Variants in RANBP2 observed in about 807,000 individuals in gnomAD.
RANBP2 encodes E3 SUMO-protein ligase RanBP2.
RANBP2 carries 57 observed loss-of-function variants against 303.6 expected under a neutral mutation model. That is an observed-to-expected ratio of 0.19 (90% CI 0.15 to 0.23). The LOEUF is 0.23. Among genes scored for constraint, RANBP2 ranks in the 10% least tolerant of loss-of-function variants. The pLI, the probability that RANBP2 is intolerant of heterozygous loss-of-function variation, is 1.00. For synonymous variants in RANBP2, 1,167 were observed against 1,301.5 expected (o/e 0.90, Z 2.23); for missense variants, 3,138 against 3,780.8 (o/e 0.83, Z 4.46).
the RANBP2 span, among the ~76,000 whole-genome samples, chr2:109,359,714 C>T: frequency 6.6e-6 from 1 of 152,114 alleles, no homozygotes; most frequent in African/African-American, 2.4e-5. Context: ...CCACACCTGA[C>T]CTTATGTAAT....
the RANBP2 span, among the ~76,000 whole-genome samples, chr2:109,189,710 G>T: frequency 4.6e-5 from 7 of 152,108 alleles, no homozygotes; most frequent in Admixed American, 4.6e-4. Context: ...GAATGTAAAA[G>T]CCCATTAAAA....
At chr2:109,011,583 C>T in the RANBP2 span, among the ~76,000 whole-genome samples, 114 of 152,288 alleles carry the variant, frequency 7.5e-4, no homozygotes, top group African/African-American at 2.2e-3. Context: ...ATTTTATTGA[C>T]GAGATACCCA....
At chr2:109,229,719 T>A in the RANBP2 span, among the ~76,000 whole-genome samples, 1 of 152,150 alleles carries the variant, frequency 6.6e-6, no homozygotes, top group East Asian at 1.9e-4. Flanking sequence ...CTCGTATAAC[T>A]GGAATCATAG....
the RANBP2 span, among the ~76,000 whole-genome samples, chr2:109,023,918 T>TTTTATTTA: frequency 2.3e-3 from 343 of 151,948 alleles, 1 homozygote; most frequent in African/African-American, 8.0e-3. Context: ...CTGCTTATAT[T>TTTTATTTA]TTTATTTATT....
chr2:109,242,525 A>G, the RANBP2 span, among the ~76,000 whole-genome samples: 1 of 152,172 alleles, frequency 6.6e-6, no homozygotes, highest in African/African-American at 2.4e-5. Flanking sequence ...GCGGGAGTGA[A>G]TGGCAACAAG....
At chr2:108,934,688 G>T in the RANBP2 span, among the ~76,000 whole-genome samples, 1 of 152,098 alleles carries the variant, frequency 6.6e-6, no homozygotes, top group Non-Finnish European at 1.5e-5. Flanking sequence ...TGCAAGCAGG[G>T]CCAATTCACT....
the RANBP2 span, among the ~76,000 whole-genome samples, chr2:108,830,370 C>T: frequency 1.3e-5 from 2 of 152,136 alleles, no homozygotes; most frequent in Admixed American, 1.3e-4. Flanking sequence ...ACACTTAATG[C>T]CATTGGTAAA....
chr2:109,594,633 G>A, the RANBP2 span: 7 of 152,392 alleles, frequency 4.6e-5, 1 homozygote, highest in African/African-American at 1.4e-4. Flanking sequence ...AATGAACCAT[G>A]CTGCAACAAA....
At chr2:108,974,814 G>A in the RANBP2 span, among the ~76,000 whole-genome samples, 1 of 152,166 alleles carries the variant, frequency 6.6e-6, no homozygotes, top group Non-Finnish European at 1.5e-5. Flanking sequence ...GAAATAGCCA[G>A]CAAATGGCAG....
the RANBP2 span, chr2:108,923,490 A>T: frequency 6.3e-7 from 1 of 1,580,010 alleles, no homozygotes; most frequent in Non-Finnish European, 8.7e-7. Context: ...GAGACAGGTG[A>T]GCTGGACAGC....
chr2:109,105,340 A>C, the RANBP2 span, among the ~76,000 whole-genome samples: 28 of 152,138 alleles, frequency 1.8e-4, no homozygotes, highest in Admixed American at 1.3e-4. Context: ...CATTGCACAT[A>C]CGGCCCTTCC....
At chr2:109,471,167 C>T in the RANBP2 span, among the ~76,000 whole-genome samples, 8 of 134,244 alleles carry the variant, frequency 6.0e-5, no homozygotes, top group East Asian at 1.2e-3. Context: ...GAGCCGAGAT[C>T]GTGCCATTGC....
the RANBP2 span, among the ~76,000 whole-genome samples, chr2:109,119,687 T>C: frequency 0.95 from 144,100 of 152,308 alleles, 68,645 homozygotes; most frequent in Non-Finnish European, 1. Context: ...TAAAATAAAG[T>C]ATATTATGTC....
chr2:109,398,550 A>C, the RANBP2 span: 1 of 1,499,060 alleles, frequency 6.7e-7, no homozygotes, highest in South Asian at 1.3e-5. Context: ...GCATGTGACC[A>C]TGATTTAATG....
the RANBP2 span, among the ~76,000 whole-genome samples, chr2:109,623,601 A>C: frequency 5.3e-5 from 8 of 152,348 alleles, no homozygotes; most frequent in Admixed American, 3.9e-4. Context: ...CTGTGTGGTC[A>C]GGTGGAATTT....
chr2:109,634,949 A>G, the RANBP2 span, among the ~76,000 whole-genome samples: 1 of 152,224 alleles, frequency 6.6e-6, no homozygotes, highest in African/African-American at 2.4e-5. Context: ...GTCATCTACC[A>G]GCAATCATTC....
the RANBP2 span, among the ~76,000 whole-genome samples, chr2:109,487,431 A>G: frequency 2.0e-5 from 3 of 152,342 alleles, no homozygotes; most frequent in South Asian, 6.2e-4. Flanking sequence ...GCGATTGGTA[A>G]TAACTGATGC....
At chr2:109,131,530 G>T in the RANBP2 span, among the ~76,000 whole-genome samples, 3 of 152,212 alleles carry the variant, frequency 2.0e-5, no homozygotes, top group South Asian at 4.2e-4. Flanking sequence ...CTAGTAAAAC[G>T]CTGGGACATT....
chr2:109,208,320 C>G, the RANBP2 span, among the ~76,000 whole-genome samples: 1 of 152,210 alleles, frequency 6.6e-6, no homozygotes, highest in Non-Finnish European at 1.5e-5. Context: ...TCCCTTAAAC[C>G]TGGGCTCCAT....
Sources: allele counts gnomAD v4.1 joint callset (sites outside exome capture counted in the v4.1 genomes callset), GRCh38; gene constraint gnomAD v4.1.1; transcripts MANE v1.5; gene names NCBI Gene and HGNC (gene_info 2026-07-23, HGNC 2026-07-21).